The following ADAMTS12 variants were observed in gnomAD, a reference collection of about 807,000 sequenced individuals.
ADAMTS12 encodes the protein ADAM metallopeptidase with thrombospondin type 1 motif 12.
ADAMTS12 carries 118 observed loss-of-function variants against 167.8 expected under a neutral mutation model. That is an observed-to-expected ratio of 0.70 (90% CI 0.61 to 0.82). ADAMTS12 has a LOEUF of 0.82. ADAMTS12 is among the 40% of genes least tolerant of loss of function. The pLI, the probability that ADAMTS12 is intolerant of heterozygous loss-of-function variation, is 0.00. For synonymous variants in ADAMTS12, 704 were observed against 716.9 expected (o/e 0.98, Z 0.29); for missense variants, 1,916 against 1,998.8 (o/e 0.96, Z 0.79).
chr5:33,787,223 G>A lies in ADAMTS12; in HGVS notation c.490-35675C>T, dbSNP rs183088359. ...TCACCTCCTATTGATTTATTTTACT[G>A]ATTGTCAGGTTTACCCCTGAAAAAG... On this transcript the variant is annotated intron_variant, in intron 2 of 23. Transcript: ENST00000504830. Among the ~76,000 whole-genome samples the A allele has an allele frequency of 1.3e-3, 193 of 152,160 alleles. 1 individual carries two copies. The highest frequency in any genetic ancestry group is 4.4e-3 in the African/African-American group (182 of 41,514).
chr5:33,699,269 T>C (rs4461640), intron 3 of ADAMTS12, among the ~76,000 whole-genome samples: 147,370 of 152,214 alleles, frequency 0.97, 71,506 homozygotes, highest in Middle Eastern at 1. Context: ...CACAAAGATG[T>C]CTAACAGATT....
intron 2 of ADAMTS12, among the ~76,000 whole-genome samples, chr5:33,774,906 T>C (rs1745864478): frequency 6.6e-6 from 1 of 152,176 alleles, no homozygotes; most frequent in Non-Finnish European, 1.5e-5. Flanking sequence ...AAGAATCACA[T>C]TTTTGACTTT....
At chr5:33,872,557 A>T (rs1021217942) in intron 2 of ADAMTS12, among the ~76,000 whole-genome samples, 1 of 151,580 alleles carries the variant, frequency 6.6e-6, no homozygotes, top group Non-Finnish European at 1.5e-5. Flanking sequence ...AAAAAAAAAA[A>T]AGAAAGAAAG....
chr5:33,622,937 C>G (rs758730665), intron 14 of ADAMTS12, among the ~76,000 whole-genome samples: 17 of 152,138 alleles, frequency 1.1e-4, no homozygotes, highest in Non-Finnish European at 8.8e-5. Context: ...AGTGGTAATT[C>G]TCATGGGCAG....
At chr5:33,879,302 G>A (rs1423692) in intron 2 of ADAMTS12, among the ~76,000 whole-genome samples, 6,198 of 152,056 alleles carry the variant, frequency 0.041, 233 homozygotes, top group East Asian at 0.18. Flanking sequence ...TCAATGTGAT[G>A]TTGATTCTGC....
At chr5:33,854,282 C>T (rs995794154) in intron 2 of ADAMTS12, among the ~76,000 whole-genome samples, 1 of 152,130 alleles carries the variant, frequency 6.6e-6, no homozygotes, top group East Asian at 1.9e-4. Context: ...GATTCATATT[C>T]GGTCAAAAAG....
intron 3 of ADAMTS12, among the ~76,000 whole-genome samples, chr5:33,717,239 T>G (rs956515024): frequency 1.4e-4 from 22 of 152,050 alleles, no homozygotes; most frequent in Non-Finnish European, 2.8e-4. Flanking sequence ...CTTTCCTCAC[T>G]GAAAAGCTCA....
intron 7 of ADAMTS12, among the ~76,000 whole-genome samples, chr5:33,654,580 G>T (rs1248754930): frequency 6.6e-6 from 1 of 152,126 alleles, no homozygotes; most frequent in African/African-American, 2.4e-5. Context: ...ACACCACAGG[G>T]GTGGGGCTAG....
chr5:33,691,090 T>C (rs1240854685), intron 3 of ADAMTS12, among the ~76,000 whole-genome samples: 1 of 152,200 alleles, frequency 6.6e-6, no homozygotes, highest in Non-Finnish European at 1.5e-5. Flanking sequence ...AAACATTTCT[T>C]ACAGTTTCTT....
chr5:33,724,512 T>C (rs1330915920), intron 3 of ADAMTS12, among the ~76,000 whole-genome samples: 1 of 152,114 alleles, frequency 6.6e-6, no homozygotes, highest in Non-Finnish European at 1.5e-5. Context: ...CTGAGGACTT[T>C]GTAAACAGCT....
chr5:33,841,833 T>C (rs1357094536), intron 2 of ADAMTS12, among the ~76,000 whole-genome samples: 2 of 152,194 alleles, frequency 1.3e-5, no homozygotes, highest in Non-Finnish European at 2.9e-5. Flanking sequence ...TAGGGTAGGG[T>C]ATTCTGGGAG....
At chr5:33,560,962 G>T in intron 20 of ADAMTS12, 65 bp downstream of exon 20, 2 of 1,541,554 alleles carry the variant, frequency 1.3e-6, no homozygotes, top group Non-Finnish European at 1.8e-6. Flanking sequence ...GTTTATATAA[G>T]ATTCCCTTTC....
chr5:33,775,129 C>T (rs2112431711), intron 2 of ADAMTS12, among the ~76,000 whole-genome samples: 1 of 152,230 alleles, frequency 6.6e-6, no homozygotes, highest in East Asian at 1.9e-4. Context: ...AAGAGAAACA[C>T]CAAGAATGTC....
intron 2 of ADAMTS12, among the ~76,000 whole-genome samples, chr5:33,768,273 G>T (rs1745618692): frequency 6.6e-6 from 1 of 152,154 alleles, no homozygotes; most frequent in South Asian, 2.1e-4. Context: ...CGGCAAAAGA[G>T]GAAGACCAGA....
chr5:33,766,119 C>T (rs570583988), intron 2 of ADAMTS12, among the ~76,000 whole-genome samples: 1 of 152,192 alleles, frequency 6.6e-6, no homozygotes, highest in South Asian at 2.1e-4. Flanking sequence ...ACTTAACTGC[C>T]CCCTGTGTTT....
intron 2 of ADAMTS12, among the ~76,000 whole-genome samples, chr5:33,853,905 C>T (rs2111659667): frequency 6.6e-6 from 1 of 152,246 alleles, no homozygotes; most frequent in East Asian, 1.9e-4. Flanking sequence ...CCTGCTGGTC[C>T]CTGGGCTGCA....
At position 33,614,550 on chromosome 5, in the gene ADAMTS12, T is replaced by TC. The variant is rs1392641041; in HGVS notation, c.2389-175_2389-174insG. Among the ~76,000 whole-genome samples, 3 of 152,238 alleles carry TC rather than the reference T, an allele frequency of 2.0e-5. No homozygotes were observed. In the East Asian group the frequency reaches 5.8e-4, roughly 29 times the overall value. ...CTGTGCCTATGTCTATACCTATGTCTGTGTCTAAGTTCATATCTATATATC... is the reference window on the plus strand; with the variant it reads ...CTGTGCCTATGTCTATACCTATGTCTCGTGTCTAAGTTCATATCTATATATC... On this transcript the variant is annotated intron_variant, in intron 15 of 23. Coordinates refer to ENST00000504830, the MANE Select transcript of ADAMTS12 (RefSeq NM_030955.4).
intron 2 of ADAMTS12, among the ~76,000 whole-genome samples, chr5:33,824,852 A>G (rs1747998687): frequency 6.6e-6 from 1 of 152,156 alleles, no homozygotes; most frequent in Non-Finnish European, 1.5e-5. Context: ...AAAATCTCCT[A>G]GAAGACTCTC....
At chr5:33,534,496 T>C (rs1744275858) in intron 23 of ADAMTS12, among the ~76,000 whole-genome samples, 1 of 152,182 alleles carries the variant, frequency 6.6e-6, no homozygotes, top group Non-Finnish European at 1.5e-5. Flanking sequence ...TAAGAAAGGC[T>C]GGGATATCTC....
Sources: gnomAD v4.1 joint callset for allele counts (sites outside exome capture counted in the v4.1 genomes callset) on GRCh38, gnomAD v4.1.1 for gene constraint, MANE v1.5 for transcripts, NCBI Gene and HGNC (gene_info 2026-07-23, HGNC 2026-07-21) for gene names.